Variants in NLK observed in about 807,000 individuals in gnomAD.
NLK encodes the protein nemo like kinase, also known as serine/threonine-protein kinase NLK.
NLK carries 11 observed loss-of-function variants against 59.0 expected under a neutral mutation model. The observed-to-expected ratio is 0.19, with a 90% confidence interval of 0.12 to 0.31. NLK has a LOEUF of 0.31. Ranked by LOEUF, NLK falls within the 10% of genes least tolerant of loss-of-function variation. NLK has a pLI of 1.00. For missense variants in NLK, 410 were observed against 661.1 expected (o/e 0.62, Z 4.16); for synonymous variants, 235 against 235.9 (o/e 1.00, Z 0.03).
intron 7 of NLK, among the ~76,000 whole-genome samples, chr17:28,183,449 C>T (rs1908993617): frequency 6.6e-6 from 1 of 152,162 alleles, no homozygotes; most frequent in African/African-American, 2.4e-5. Flanking sequence ...TCACATCAGA[C>T]TCCTGAGTAG....
chr17:28,143,784 G>A (rs1170455411), intron 3 of NLK, among the ~76,000 whole-genome samples: 1 of 152,186 alleles, frequency 6.6e-6, no homozygotes, highest in East Asian at 1.9e-4. Context: ...GATGGCAAAA[G>A]CTTTTGACCT....
intron 1 of NLK, among the ~76,000 whole-genome samples, chr17:28,110,097 G>A (rs193014071): frequency 0.013 from 1,957 of 152,184 alleles, 24 homozygotes; most frequent in Non-Finnish European, 0.02. Flanking sequence ...GCAATGTTTT[G>A]TAGTTTGCAT....
chr17:28,095,276 C>G (rs1300382695), intron 1 of NLK, among the ~76,000 whole-genome samples: 1 of 152,110 alleles, frequency 6.6e-6, no homozygotes, highest in African/African-American at 2.4e-5. Flanking sequence ...TGCAGTACCC[C>G]CTCAAGCTGG....
downstream of NLK, among the ~76,000 whole-genome samples, chr17:28,198,949 A>G (rs1230788360): frequency 1.3e-5 from 2 of 152,166 alleles, no homozygotes; most frequent in African/African-American, 2.4e-5. Flanking sequence ...TCAGGCAGCA[A>G]ATTCGTGGCA....
chr17:28,057,900 G>T (rs931084140), intron 1 of NLK, among the ~76,000 whole-genome samples: 11 of 152,140 alleles, frequency 7.2e-5, no homozygotes, highest in African/African-American at 2.7e-4. Flanking sequence ...TAAAATATGA[G>T]TTAATGATTG....
chr17:28,068,140 C>CAA (rs1183536787), intron 1 of NLK, among the ~76,000 whole-genome samples: 9 of 69,870 alleles, frequency 1.3e-4, no homozygotes, highest in Non-Finnish European at 2.0e-4. Context: ...GACTCCGTCT[C>CAA]AAAAAAAAAA....
intron 7 of NLK, among the ~76,000 whole-genome samples, chr17:28,183,090 G>A (rs750223736): frequency 2.6e-5 from 4 of 152,162 alleles, no homozygotes; most frequent in African/African-American, 4.8e-5. Context: ...GCACAGTGGC[G>A]TGTGCCTTTG....
intron 3 of NLK, among the ~76,000 whole-genome samples, chr17:28,134,406 C>CA (rs944848203): frequency 1.8e-4 from 27 of 150,334 alleles, no homozygotes; most frequent in African/African-American, 5.6e-4. Context: ...GCCCTCCCGC[C>CA]AAAAAAAAGT....
intron 1 of NLK, among the ~76,000 whole-genome samples, chr17:28,066,661 T>C (rs1010406017): frequency 2.6e-5 from 4 of 152,238 alleles, no homozygotes; most frequent in Non-Finnish European, 4.4e-5. Flanking sequence ...TCAAATTATA[T>C]GTTCAAGCTT....
chr17:28,134,550 T>G (rs1262406946), intron 3 of NLK, among the ~76,000 whole-genome samples: 1 of 152,238 alleles, frequency 6.6e-6, no homozygotes, highest in Non-Finnish European at 1.5e-5. Context: ...CACACCATTT[T>G]ATATAAGGGA....
chr17:28,153,394 C>T (rs188149782), intron 3 of NLK, among the ~76,000 whole-genome samples: 3 of 152,238 alleles, frequency 2.0e-5, no homozygotes, highest in Admixed American at 2.0e-4. Context: ...GTTCTGCAGG[C>T]TGGGAAGTCC....
Position 28,191,324 on chromosome 17 carries a change from A to G in NLK, c.1435+105A>G, listed in dbSNP as rs1195261157. On this transcript the variant is annotated intron_variant, in intron 9 of 10. Transcript: ENST00000407008. ...TGGATGGTAACCAAAGCTCCCCTCT[A>G]TGTTTATTTTACAACCTTGCGTATA... 38 of 803,394 alleles carry G rather than the reference A, an allele frequency of 4.7e-5. No homozygotes were observed. In the Admixed American group the frequency reaches 8.2e-4, roughly 17 times the overall value. The allele number at this position is 803,394 out of a possible 1,614,324, so 49.8% of individuals were successfully genotyped here.
chr17:28,197,728 G>GT (rs35405689), downstream of NLK, among the ~76,000 whole-genome samples: 3,291 of 149,312 alleles, frequency 0.022, 59 homozygotes, highest in East Asian at 0.057. Context: ...TAGAATTTTT[G>GT]TTTTTTTTTG....
intron 1 of NLK, among the ~76,000 whole-genome samples, chr17:28,111,894 GTGGTGTGTGT>G (rs1567717055): frequency 9.8e-5 from 10 of 102,456 alleles, no homozygotes; most frequent in South Asian, 3.4e-4. Flanking sequence ...GTGTGTGTGT[GTGGTGTGTGT>G]GTGTGTGTGT....
intron 1 of NLK, among the ~76,000 whole-genome samples, chr17:28,044,347 C>G (rs1333508683): frequency 1.3e-5 from 2 of 152,140 alleles, no homozygotes; most frequent in Non-Finnish European, 2.9e-5. Flanking sequence ...GGAAAATGAA[C>G]TCTTTGGAAC....
chr17:28,096,455 T>C (rs930590725), intron 1 of NLK, among the ~76,000 whole-genome samples: 1 of 152,196 alleles, frequency 6.6e-6, no homozygotes, highest in Admixed American at 6.5e-5. Flanking sequence ...GTAATTTTTT[T>C]TATCCTCCTA....
chr17:28,054,920 C>T (rs1273366132), intron 1 of NLK, among the ~76,000 whole-genome samples: 2 of 152,124 alleles, frequency 1.3e-5, no homozygotes, highest in African/African-American at 4.8e-5. Flanking sequence ...GGTGTAGTGG[C>T]ACACACTTTC....
intron 3 of NLK, among the ~76,000 whole-genome samples, chr17:28,157,734 T>G (rs1224131675): frequency 6.6e-6 from 1 of 152,240 alleles, no homozygotes; most frequent in African/African-American, 2.4e-5. Flanking sequence ...ATCTAAAATC[T>G]TCACTACTAT....
chr17:28,199,448 C>CT, downstream of NLK, among the ~76,000 whole-genome samples: 1 of 151,948 alleles, frequency 6.6e-6, no homozygotes, highest in East Asian at 1.9e-4. Flanking sequence ...TGCGGATCAC[C>CT]TGAGGTCAAG....
Sources: gnomAD v4.1 joint callset for allele counts (sites outside exome capture counted in the v4.1 genomes callset) on GRCh38, gnomAD v4.1.1 for gene constraint, MANE v1.5 for transcripts, NCBI Gene and HGNC (gene_info 2026-07-23, HGNC 2026-07-21) for gene names.